The following VSIG10 variants were observed in gnomAD, a reference collection of about 807,000 sequenced individuals.
VSIG10 encodes the protein V-set and immunoglobulin domain containing 10.
A neutral mutation model predicts 58.7 loss-of-function variants in VSIG10; 48 were observed. That is an observed-to-expected ratio of 0.82 (90% CI 0.65 to 1.04). VSIG10 has a LOEUF of 1.04. VSIG10 is among the 50% of genes least tolerant of loss of function. The pLI, the probability that VSIG10 is intolerant of heterozygous loss-of-function variation, is 0.00. For missense variants in VSIG10, 628 were observed against 670.0 expected (o/e 0.94, Z 0.69); for synonymous variants, 260 against 267.1 (o/e 0.97, Z 0.26).
chr12:118,096,301 G>A (rs1373098589), intron 1 of VSIG10, among the ~76,000 whole-genome samples: 5 of 151,984 alleles, frequency 3.3e-5, no homozygotes, highest in Non-Finnish European at 5.9e-5. Flanking sequence ...AATTGTGGCC[G>A]GGCATGGTGG....
At chr12:118,075,205 T>C (rs954156925) in intron 4 of VSIG10, among the ~76,000 whole-genome samples, 1 of 146,472 alleles carries the variant, frequency 6.8e-6, no homozygotes, top group African/African-American at 2.6e-5. Context: ...TGTGTGTGTG[T>C]GTATATATGT....
intron 2 of VSIG10, among the ~76,000 whole-genome samples, chr12:118,092,638 CTTT>C (rs35654590): frequency 1.4e-5 from 2 of 140,438 alleles, no homozygotes; most frequent in Non-Finnish European, 3.0e-5. Context: ...TTTTCTTTTT[CTTT>C]TTTTTTTTTT....
chr12:118,067,464 CT>C (rs34148920), intron 8 of VSIG10, among the ~76,000 whole-genome samples: 34,094 of 127,246 alleles, frequency 0.27, 3,318 homozygotes, highest in African/African-American at 0.33. Context: ...CTAAACTGGC[CT>C]TTTTTTTTTT....
At position 118,063,861 on chromosome 12, in the gene VSIG10, G is replaced by A. The variant is rs967751821; in HGVS notation, c.*2778C>T. On this transcript the variant is annotated 3_prime_UTR_variant, in exon 9 of 9. Coordinates refer to ENST00000359236, the MANE Select transcript of VSIG10 (RefSeq NM_019086.6). ...GCAATTTTCCATCTTGTGTTTTCCT[G>A]CGGCAATTATGGGGCTTGTATGTGC... is the stretch of plus-strand genomic sequence containing the variant. 5 of 152,118 alleles carry A rather than the reference G, an allele frequency of 3.3e-5. No individual in the cohort carries two copies. The highest frequency in any genetic ancestry group is 7.3e-5 in the Non-Finnish European group (5 of 68,044). The allele number at this position is 152,118 out of a possible 1,614,324, so 9.4% of individuals were successfully genotyped here. A position where few individuals can be genotyped will look rare whatever the true frequency, so the allele number is the denominator to read the frequency against.
chr12:118,089,405 AAG>A (rs1185786717), intron 2 of VSIG10, among the ~76,000 whole-genome samples: 1 of 152,210 alleles, frequency 6.6e-6, no homozygotes, highest in Admixed American at 6.5e-5. Context: ...TCATAAACTA[AAG>A]AGAGTGATGA....
chr12:118,078,203 G>C (rs2032801503), intron 4 of VSIG10, among the ~76,000 whole-genome samples: 1 of 152,126 alleles, frequency 6.6e-6, no homozygotes, highest in Non-Finnish European at 1.5e-5. Flanking sequence ...CCATCGCCCA[G>C]GCTGGAGTGC....
At position 118,064,612 on chromosome 12, in the gene VSIG10, T is replaced by C. The variant is rs1223591250; in HGVS notation, c.*2027A>G. 1 of 152,170 alleles carries C rather than the reference T, an allele frequency of 6.6e-6. No homozygotes were observed. The highest frequency in any genetic ancestry group is 6.6e-5 in the Admixed American group (1 of 15,266). The allele number at this position is 152,170 out of a possible 1,614,324, so 9.4% of individuals were successfully genotyped here. ...TGAGTATCTCATTCTAAAATGACAC[T>C]GATTTACACTGTTGAGAATGGTTAA... On this transcript the variant is annotated 3_prime_UTR_variant, in exon 9 of 9. Coordinates refer to ENST00000359236, the MANE Select transcript of VSIG10 (RefSeq NM_019086.6).
intron 2 of VSIG10, among the ~76,000 whole-genome samples, chr12:118,090,739 A>T (rs2033269836): frequency 6.6e-6 from 1 of 151,940 alleles, no homozygotes. Context: ...TGCAGTTTTG[A>T]TCTCCTGGGC....
In VSIG10 at chr12:118,082,149, C is replaced by T; in HGVS notation, c.642G>A (p.Val214=). 1 of 1,613,648 alleles carries T rather than the reference C, an allele frequency of 6.2e-7. No individual in the cohort carries two copies. Among genetic ancestry groups the T allele is most frequent in the Non-Finnish European group, 8.5e-7 (1 of 1,179,732 alleles). The change falls in exon 3 of 9, where the codon GTG becomes GTA. Residue 214 remains valine (V), a synonymous_variant. Coordinates refer to ENST00000359236, the MANE Select transcript of VSIG10 (RefSeq NM_019086.6). ...LNQLSKRHRK[V]TTELLVYYPP... Reference sequence around the variant, plus strand: ...CACAGTAGACCAGGAGCTCGGTGGTCACCTTTCGATGTCTCTTGCTGAGCT... The same window carrying T: ...CACAGTAGACCAGGAGCTCGGTGGTTACCTTTCGATGTCTCTTGCTGAGCT...
intron 2 of VSIG10, among the ~76,000 whole-genome samples, chr12:118,093,055 C>T (rs186478676): frequency 0.018 from 2,715 of 151,432 alleles, 36 homozygotes; most frequent in Non-Finnish European, 0.024. Context: ...TTTGGGAGCC[C>T]GAGGCAGGCA....
intron 1 of VSIG10, 62 bp from the exon 2 acceptor site, chr12:118,095,876 G>C: frequency 6.6e-7 from 1 of 1,517,064 alleles, no homozygotes; most frequent in Non-Finnish European, 8.9e-7. Context: ...GTCCCTTTTT[G>C]GACAGTACTC....
chr12:118,074,510 A>G (rs1423265649), intron 4 of VSIG10, among the ~76,000 whole-genome samples: 1 of 142,882 alleles, frequency 7.0e-6, no homozygotes, highest in African/African-American at 2.6e-5. Flanking sequence ...ATGGAGTCTC[A>G]CTTTGTCGCC....
intron 8 of VSIG10, 54 bp from the exon 9 acceptor site, chr12:118,066,748 C>A: frequency 1.3e-6 from 2 of 1,509,922 alleles, no homozygotes; most frequent in Non-Finnish European, 1.8e-6. Flanking sequence ...GATTCTATTT[C>A]CACCGTCAGT....
At chr12:118,069,206 C>A (rs1253179806) in intron 7 of VSIG10, among the ~76,000 whole-genome samples, 5 of 152,074 alleles carry the variant, frequency 3.3e-5, no homozygotes, top group Non-Finnish European at 7.3e-5. Context: ...TCTCCTGCCT[C>A]AGCCACCCAA....
Position 118,103,823 on chromosome 12 carries a change from G to T in VSIG10, c.-152C>A. 1 of 730,422 alleles carries T rather than the reference G, an allele frequency of 1.4e-6. No individual in the cohort carries two copies. The highest frequency in any genetic ancestry group is 2.0e-6 in the Non-Finnish European group (1 of 495,250). The allele number at this position is 730,422 out of a possible 1,614,324, so 45.2% of individuals were successfully genotyped here. On this transcript the variant is annotated 5_prime_UTR_variant, in exon 1 of 9. Transcript: ENST00000359236. ...TCCTCGGCCCCCAGGAAGGATGCTTGGCTGAGCCGAGTGTCCAGGGCCGGC... is the reference window on the plus strand; with the variant it reads ...TCCTCGGCCCCCAGGAAGGATGCTTTGCTGAGCCGAGTGTCCAGGGCCGGC...
At chr12:118,087,837 CAAAAAA>C (rs10654315) in intron 2 of VSIG10, among the ~76,000 whole-genome samples, 9 of 62,608 alleles carry the variant, frequency 1.4e-4, no homozygotes, top group African/African-American at 4.9e-4. Flanking sequence ...GATCCTGTCT[CAAAAAA>C]AAAAAAAAAA....
chr12:118,087,876 T>C (rs1278717996), intron 2 of VSIG10, among the ~76,000 whole-genome samples: 1 of 137,542 alleles, frequency 7.3e-6, no homozygotes, highest in African/African-American at 2.6e-5. Flanking sequence ...GGAGGTAATG[T>C]GACTCAGCTA....
chr12:118,098,312 T>C (rs1592898335), intron 1 of VSIG10, among the ~76,000 whole-genome samples: 1 of 123,786 alleles, frequency 8.1e-6, no homozygotes, highest in Admixed American at 8.6e-5. Flanking sequence ...CCTCTCCCTC[T>C]CTCTCCGCCT....
At chr12:118,087,642 G>A (rs1449657863) in intron 2 of VSIG10, among the ~76,000 whole-genome samples, 2 of 151,864 alleles carry the variant, frequency 1.3e-5, no homozygotes, top group African/African-American at 4.8e-5. Flanking sequence ...TTCAAAACCA[G>A]CCTGGGCAAT....
Sources: gnomAD v4.1 joint callset for allele counts (sites outside exome capture counted in the v4.1 genomes callset) on GRCh38, gnomAD v4.1.1 for gene constraint, MANE v1.5 for transcripts, NCBI Gene and HGNC (gene_info 2026-07-23, HGNC 2026-07-21) for gene names.